OXNAD1: variants seen among roughly 807,000 people sequenced by gnomAD.
OXNAD1 encodes the protein oxidoreductase NAD binding domain containing 1.
Under a neutral mutation model 32.9 loss-of-function variants are expected in OXNAD1, and 34 were observed. That is an observed-to-expected ratio of 1.03 (90% CI 0.79 to 1.38). The LOEUF is 1.38. OXNAD1 is among the 40% of genes most tolerant of loss of function. The probability of loss-of-function intolerance (pLI) is 0.00; values close to 1 mark genes in which losing one functional copy is unlikely to be tolerated. For synonymous variants in OXNAD1, 134 were observed against 135.2 expected (o/e 0.99, Z 0.06); for missense variants, 407 against 379.4 (o/e 1.07, Z -0.60).
chr3:16,316,421 C>T lies in OXNAD1; in HGVS notation c.*30+12829C>T, dbSNP rs1012585373. 6.2e-4 allele frequency: 157 copies of T among 252,212 alleles called. No individual in the cohort carries two copies. Among genetic ancestry groups the T allele is most frequent in the African/African-American group, 3.1e-3 (131 of 42,694 alleles). The allele number at this position is 252,212 out of a possible 1,614,324, so 15.6% of individuals were successfully genotyped here. A position where few individuals can be genotyped will look rare whatever the true frequency, so the allele number is the denominator to read the frequency against. On this transcript the variant is annotated intron_variant, in intron 9 of 9. Transcript: ENST00000435829. This position sits in a 1 kb window ranked among gnomAD's most constrained non-coding sequence, Gnocchi z 4.5. ...TGCAGGGGATGGACACTGCCCCACA[C>T]GATGTGGGATGAACAGCAGCCTTGG...
At chr3:16,311,938 C>CTGTT (rs1291229392) in intron 9 of OXNAD1, among the ~76,000 whole-genome samples, 1 of 152,208 alleles carries the variant, frequency 6.6e-6, no homozygotes, top group African/African-American at 2.4e-5. Flanking sequence ...AAATGTGTAT[C>CTGTT]TGTTTAACAA....
intron 9 of OXNAD1, among the ~76,000 whole-genome samples, chr3:16,323,142 C>G (rs1197963606): frequency 6.6e-6 from 1 of 152,170 alleles, no homozygotes; most frequent in African/African-American, 2.4e-5. Flanking sequence ...AGCCTCTCTC[C>G]TCCATCCTTC....
intron 4 of OXNAD1, among the ~76,000 whole-genome samples, chr3:16,282,910 C>G (rs1304036114): frequency 7.9e-6 from 1 of 125,972 alleles, no homozygotes; most frequent in African/African-American, 3.1e-5. Flanking sequence ...GAGGTTGGAA[C>G]ATTAGGAATA....
In OXNAD1 at chr3:16,286,425, C is replaced by G. The variant is rs761815366; in HGVS notation, c.267C>G (p.Asp89Glu). ...TCCGCTTGCTTGTTGCTGATCAAGA[C>G]TTTTCCTTTAAAGCTGGCCAGTGGT... Reference protein sequence around the residue: ...KSLRLLVADQDFSFKAGQWVD... With the variant: ...KSLRLLVADQEFSFKAGQWVD... The change falls in exon 5 of 9, where the codon GAC becomes GAG. Residue 89 changes from aspartate (D) to glutamate (E), a missense_variant. Asp to Glu is a conservative substitution (Grantham distance 45, BLOSUM62 2). Transcript: ENST00000285083. 2 of 1,613,890 alleles carry G rather than the reference C, an allele frequency of 1.2e-6. No homozygotes were observed. The highest frequency in any genetic ancestry group is 8.5e-7 in the Non-Finnish European group (1 of 1,179,802).
rs2071536648 is a variant in OXNAD1 at position 16,344,868 on chromosome 3, A to G, written c.*31-4308A>G. On this transcript the variant is annotated intron_variant, in intron 9 of 9. Coordinates refer to the OXNAD1 transcript ENST00000606098. The surrounding 1 kb of genome is among the most constrained non-coding windows in gnomAD (Gnocchi z 4.4). Reference sequence around the variant, plus strand: ...GGTAGTGAGTGAACACATAACTACAAGAACACCCCCCAACCTTTTATGCTC... The same window carrying G: ...GGTAGTGAGTGAACACATAACTACAGGAACACCCCCCAACCTTTTATGCTC... 6.6e-6 allele frequency among the ~76,000 whole-genome samples: 1 copy of G among 152,248 alleles called. No individual in the cohort carries two copies. The highest frequency in any genetic ancestry group is 2.4e-5 in the African/African-American group (1 of 41,462).
rs1338220809 is a variant in OXNAD1 at position 16,286,341 on chromosome 3, G to A, written c.184-1G>A. The stretch of plus-strand genomic sequence containing the variant: ...AGCCACAGTTCATCTTTTGGTTTTA[G>A]ATTGTGTCAGCAGCTAAGGTGTGTG... On this transcript the variant is annotated splice_acceptor_variant, in intron 4 of 8. Coordinates refer to ENST00000285083, the MANE Select transcript of OXNAD1 (RefSeq NM_138381.5). LOFTEE classifies it high-confidence loss of function. The A allele has an allele frequency of 6.2e-7, 1 of 1,612,046 alleles. No homozygotes were observed. Among genetic ancestry groups the A allele is most frequent in the African/African-American group, 1.3e-5 (1 of 74,882 alleles).
chr3:16,341,878 A>G (rs1369442905), downstream of OXNAD1, among the ~76,000 whole-genome samples: 2 of 152,214 alleles, frequency 1.3e-5, no homozygotes, highest in Non-Finnish European at 2.9e-5. The surrounding 1 kb of genome is among the most constrained non-coding windows in gnomAD (Gnocchi z 4.7). Flanking sequence ...TGTAAAAAAT[A>G]TGCAAATATA....
chr3:16,317,483 A>C lies in OXNAD1; in HGVS notation c.*30+13891A>C, dbSNP rs1186675538. Among the ~76,000 whole-genome samples the C allele has an allele frequency of 1.4e-4, 22 of 152,116 alleles. No homozygotes were observed. The highest frequency in any genetic ancestry group is 1.4e-3 in the Admixed American group (22 of 15,280). On this transcript the variant is annotated intron_variant, in intron 9 of 9. Coordinates refer to the OXNAD1 transcript ENST00000435829. The surrounding 1 kb of genome is among the most constrained non-coding windows in gnomAD (Gnocchi z 4.3). Reference sequence around the variant, plus strand: ...ATTTCAGGTTCTGTTGGGGCAGAGCAGTATTTCTTTTGACTGGCTCTATAC... The same window carrying C: ...ATTTCAGGTTCTGTTGGGGCAGAGCCGTATTTCTTTTGACTGGCTCTATAC...
Position 16,268,872 on chromosome 3 carries a change from G to A in OXNAD1, c.-158-254G>A, listed in dbSNP as rs6804208. Among the ~76,000 whole-genome samples, 36,052 of 151,988 alleles carry A rather than the reference G, an allele frequency of 0.24. 5,963 individuals carry two copies. Among genetic ancestry groups the A allele is most frequent in the African/African-American group, 0.48 (19,761 of 41,398 alleles). ...TCTAGCCTTTGGTCTGCTGTTTCCT[G>A]GGGTGGATATCCTAAGTAGCAGGTG... is the stretch of plus-strand genomic sequence containing the variant. On this transcript the variant is annotated intron_variant, in intron 1 of 8. Coordinates refer to ENST00000285083, the MANE Select transcript of OXNAD1 (RefSeq NM_138381.5).
At position 16,336,506 on chromosome 3, in the gene OXNAD1, C is replaced by T. The variant is rs901254999; in HGVS notation, c.*31-606C>T. On this transcript the variant is annotated intron_variant, in intron 9 of 9. Transcript: ENST00000435829. This position sits in a 1 kb window ranked among gnomAD's most constrained non-coding sequence, Gnocchi z 6.0. ...CCTCTGCGGGAGGGAGGGACAGGCA[C>T]GCTGGCCGGCTAGAGATGTTGTTTT... Among the ~76,000 whole-genome samples the T allele has an allele frequency of 2.0e-5, 3 of 152,192 alleles. No homozygotes were observed. Among genetic ancestry groups the T allele is most frequent in the African/African-American group, 7.2e-5 (3 of 41,448 alleles).
chr3:16,326,897 T>G, intron 9 of OXNAD1: 4 of 1,589,336 alleles, frequency 2.5e-6, no homozygotes, highest in African/African-American at 1.3e-5. Flanking sequence ...AAGGCCAGCA[T>G]TAGGGCTGCT....
Position 16,288,610 on chromosome 3 carries a change from C to T in OXNAD1, c.290+2162C>T, listed in dbSNP as rs557990478. Among the ~76,000 whole-genome samples the T allele has an allele frequency of 1.3e-5, 2 of 152,178 alleles. No homozygotes were observed. Among genetic ancestry groups the T allele is most frequent in the Non-Finnish European group, 2.9e-5 (2 of 68,042 alleles). On this transcript the variant is annotated intron_variant, in intron 5 of 8. Transcript: ENST00000285083. This position sits in a 1 kb window ranked among gnomAD's most constrained non-coding sequence, Gnocchi z 5.1. ...TTCTTACTGGGCCTTGCAGAGAGGG[C>T]TGGTTCCTGTAGCAATAAACCAGTT... is the stretch of plus-strand genomic sequence containing the variant.
At position 16,289,934 on chromosome 3, in the gene OXNAD1, A is replaced by G. The variant is rs893610080; in HGVS notation, c.290+3486A>G. The stretch of plus-strand genomic sequence containing the variant: ...AGGGCAGCAACTAAGACATATGTGC[A>G]TCTTTGTACCTCCAGCAAGTACCAC... On this transcript the variant is annotated intron_variant, in intron 5 of 8. Coordinates refer to ENST00000285083, the MANE Select transcript of OXNAD1 (RefSeq NM_138381.5). This position sits in a 1 kb window ranked among gnomAD's most constrained non-coding sequence, Gnocchi z 4.9. Among the ~76,000 whole-genome samples, 15 of 152,334 alleles carry G rather than the reference A, an allele frequency of 9.8e-5. No individual in the cohort carries two copies. The East Asian group carries it at 2.9e-3, about 29-fold the overall frequency.
chr3:16,311,070 G>GTAC (rs1000771890), downstream of OXNAD1, among the ~76,000 whole-genome samples: 20 of 148,728 alleles, frequency 1.3e-4, no homozygotes, highest in African/African-American at 4.7e-4. Context: ...GGTTCCCTTT[G>GTAC]TACTCCCACA....
chr3:16,282,785 G>A (rs545695076), intron 4 of OXNAD1, among the ~76,000 whole-genome samples: 37 of 142,634 alleles, frequency 2.6e-4, no homozygotes, highest in African/African-American at 9.7e-4. Context: ...TCCAGGAGGA[G>A]TCCCAAGTTC....
chr3:16,322,778 T>A lies in OXNAD1; in HGVS notation c.*31-14334T>A, dbSNP rs2069223391. Among the ~76,000 whole-genome samples, 1 of 152,086 alleles carries A rather than the reference T, an allele frequency of 6.6e-6. No homozygotes were observed. The highest frequency in any genetic ancestry group is 1.5e-5 in the Non-Finnish European group (1 of 68,002). ...TCTGTGCGACTGTTTCTAGGGTAGT[T>A]CAGAGTCCGGAGAGGGGGAAAAGGG... On this transcript the variant is annotated intron_variant, in intron 9 of 9. Transcript: ENST00000435829. This position sits in a 1 kb window ranked among gnomAD's most constrained non-coding sequence, Gnocchi z 6.2.
In OXNAD1 at chr3:16,265,253, G is replaced by A. The variant is rs1005986142; in HGVS notation, c.-411G>A. ...CAACTAAACGTGGCCGGGTCTGCAA[G>A]CTAGGTGCCAGCGGGGAAAGTTTCC... is the stretch of plus-strand genomic sequence containing the variant. On this transcript the variant is annotated 5_prime_UTR_variant, in exon 1 of 9. Transcript: ENST00000285083. This position sits in a 1 kb window ranked among gnomAD's most constrained non-coding sequence, Gnocchi z 4.8. 22 of 238,978 alleles carry A rather than the reference G, an allele frequency of 9.2e-5. No individual in the cohort carries two copies. The highest frequency in any genetic ancestry group is 3.1e-4 in the Admixed American group (6 of 19,510). 14.8% of individuals were successfully genotyped at this position (238,978 alleles called of 1,614,324 possible). A position where few individuals can be genotyped will look rare whatever the true frequency, so the allele number is the denominator to read the frequency against.
Position 16,346,892 on chromosome 3 carries a change from C to A in OXNAD1, c.*31-2284C>A, listed in dbSNP as rs990055915. On this transcript the variant is annotated intron_variant, in intron 9 of 9. Coordinates refer to the OXNAD1 transcript ENST00000606098. The surrounding 1 kb of genome is among the most constrained non-coding windows in gnomAD (Gnocchi z 4.4). ...GCAACATCTGGATCCCTGGTGGCAT[C>A]TTTAAGCTGTTGACAAAGCTGACTC... Among the ~76,000 whole-genome samples, 1 of 152,254 alleles carries A rather than the reference C, an allele frequency of 6.6e-6. No homozygotes were observed. Among genetic ancestry groups the A allele is most frequent in the Non-Finnish European group, 1.5e-5 (1 of 68,024 alleles).
In OXNAD1 at chr3:16,345,844, ATGTG is replaced by A. The variant is rs1387238175; in HGVS notation, c.*31-3331_*31-3328del. Among the ~76,000 whole-genome samples, 867 of 48,862 alleles carry A rather than the reference ATGTG, an allele frequency of 0.018. 9 individuals are homozygous for A. The highest frequency in any genetic ancestry group is 0.074 in the African/African-American group (813 of 10,956). The allele number at this position is 48,862 out of a possible 152,430, so 32.1% of individuals were successfully genotyped here. On this transcript the variant is annotated intron_variant, in intron 9 of 9. Coordinates refer to the OXNAD1 transcript ENST00000606098. The surrounding 1 kb of genome is among the most constrained non-coding windows in gnomAD (Gnocchi z 5.2). ...CGCGCGCGCGTGCGCGCACGCGCACATGTGCATGTGTATGTGTATAATCTCCTAC... is the reference window on the plus strand; with the variant it reads ...CGCGCGCGCGTGCGCGCACGCGCACACATGTGTATGTGTATAATCTCCTAC...
Sources: allele counts gnomAD v4.1 joint callset (sites outside exome capture counted in the v4.1 genomes callset), GRCh38; gene constraint gnomAD v4.1.1; non-coding constraint Gnocchi (gnomAD v3.1); transcripts MANE v1.5; gene names NCBI Gene and HGNC (gene_info 2026-07-23, HGNC 2026-07-21).